SUSD1: variants seen among roughly 807,000 people sequenced by gnomAD.
SUSD1 encodes the protein sushi domain containing 1, also known as sushi domain-containing protein 1.
Under a neutral mutation model 86.9 loss-of-function variants are expected in SUSD1, and 65 were observed. That is an observed-to-expected ratio of 0.75 (90% CI 0.61 to 0.92). SUSD1 has a LOEUF of 0.92. SUSD1 is among the 40% of genes least tolerant of loss of function. SUSD1 has a pLI of 0.00. For missense variants in SUSD1, 850 were observed against 929.7 expected (o/e 0.91, Z 1.11); for synonymous variants, 346 against 350.0 (o/e 0.99, Z 0.13).
intron 1 of SUSD1, among the ~76,000 whole-genome samples, chr9:112,164,423 T>C (rs1335544658): frequency 6.6e-6 from 1 of 150,972 alleles, no homozygotes; most frequent in Non-Finnish European, 1.5e-5. Context: ...AATTTTAAAG[T>C]GCATTCAAAT....
At position 112,098,534 on chromosome 9, in the gene SUSD1, A is replaced by G. The variant is rs1374207981; in HGVS notation, c.1410T>C (p.Asn470=). The G allele has an allele frequency of 6.2e-7, 1 of 1,614,198 alleles. No homozygotes were observed. The highest frequency in any genetic ancestry group is 2.2e-5 in the East Asian group (1 of 44,886). ...DLYPTTDYTV[N]VTLLRSPKRH... is the part of the protein sequence containing the mutation. The stretch of plus-strand genomic sequence containing the variant: ...GCTTAGGAGATCTCAGCAGGGTCAC[A>G]TTCACCGTATAATCAGTCGTAGGGT... The change falls in exon 10 of 17, where the codon AAT becomes AAC. Residue 470 remains asparagine, a synonymous_variant. Coordinates refer to ENST00000374270, the MANE Select transcript of SUSD1 (RefSeq NM_022486.5).
Position 112,102,210 on chromosome 9 carries a change from C to T in SUSD1, c.1247G>A (p.Arg416His), listed in dbSNP as rs79043938. 142 of 1,602,302 alleles carry T rather than the reference C, an allele frequency of 8.9e-5. No individual in the cohort carries two copies. In the East Asian group the frequency reaches 2.2e-3, roughly 25 times the overall value. Residue 416 changes from arginine to histidine, a missense_variant, in exon 9 of 17, where the codon CGT (arginine) becomes CAT (histidine). Transcript: ENST00000374270. Reference protein sequence around the residue: ...FNETCLKLNRRSRKVGSEHMY... With the variant: ...FNETCLKLNRHSRKVGSEHMY... ...GTGTTCTGATCCAACTTTCCTAGAA[C>T]GCCTGTTCAATTTCAAACAAGTTTC...
At chr9:112,107,914 CTT>C (rs1830920856) in intron 8 of SUSD1, among the ~76,000 whole-genome samples, 1 of 152,152 alleles carries the variant, frequency 6.6e-6, no homozygotes, top group Non-Finnish European at 1.5e-5. Context: ...ATAAAGTTGA[CTT>C]AATAACAGAT....
intron 13 of SUSD1, among the ~76,000 whole-genome samples, chr9:112,061,620 G>A (rs1828729618): frequency 6.6e-6 from 1 of 152,142 alleles, no homozygotes; most frequent in Non-Finnish European, 1.5e-5. Flanking sequence ...TCTTTATAAT[G>A]ACAGAATTAC....
intron 2 of SUSD1, 71 bp from the exon 3 acceptor site, chr9:112,149,470 C>T: frequency 6.4e-7 from 1 of 1,557,824 alleles, no homozygotes; most frequent in Non-Finnish European, 8.7e-7. Context: ...AGACTGTCCT[C>T]CCATGCTATG....
Position 112,042,111 on chromosome 9 carries a change from CCT to C in SUSD1, c.2150-153_2150-152del, listed in dbSNP as rs752968285. 7.8e-5 allele frequency: 121 copies of C among 1,541,688 alleles called. 1 individual carries two copies. Among genetic ancestry groups the C allele is most frequent in the Non-Finnish European group, 1.7e-5 (20 of 1,147,160 alleles). On this transcript the variant is annotated intron_variant, in intron 15 of 16. Transcript: ENST00000374270. ...GAATGCCCAACATGCCTGTGTGTCC[CCT>C]GAGTTGGCCCTGTGGATATGCAGCC...
At chr9:112,172,924 G>C (rs1022096402) in intron 1 of SUSD1, among the ~76,000 whole-genome samples, 1 of 152,164 alleles carries the variant, frequency 6.6e-6, no homozygotes, top group African/African-American at 2.4e-5. Context: ...GAACATGAAG[G>C]GAGAATGTCT....
intron 1 of SUSD1, among the ~76,000 whole-genome samples, chr9:112,171,763 A>T (rs1564362901): frequency 6.6e-6 from 1 of 151,260 alleles, no homozygotes. Flanking sequence ...TTGCTTTTTC[A>T]TTTTTCCCCT....
chr9:112,098,365 CCT>C (rs1830485426), intron 10 of SUSD1, 103 bp downstream of exon 10: 3 of 1,162,150 alleles, frequency 2.6e-6, no homozygotes, highest in Non-Finnish European at 3.7e-6. Flanking sequence ...AACTGGAACC[CCT>C]GTCTCTTGAC....
At chr9:112,133,466 G>A (rs1212522877) in intron 5 of SUSD1, among the ~76,000 whole-genome samples, 4 of 152,184 alleles carry the variant, frequency 2.6e-5, no homozygotes, top group Non-Finnish European at 5.9e-5. Context: ...AAGCAAAGGG[G>A]AAAGGACTCC....
chr9:112,130,637 A>G (rs1417193219), intron 5 of SUSD1, among the ~76,000 whole-genome samples: 1 of 151,986 alleles, frequency 6.6e-6, no homozygotes, highest in Non-Finnish European at 1.5e-5. Context: ...AAGGAAAAGG[A>G]AGAAAGAGAG....
intron 3 of SUSD1, among the ~76,000 whole-genome samples, chr9:112,145,477 T>G (rs922017348): frequency 6.6e-6 from 1 of 152,030 alleles, no homozygotes; most frequent in African/African-American, 2.4e-5. Context: ...AGACAGGGTT[T>G]CACCATGTTG....
In SUSD1 at chr9:112,149,238, G is replaced by C. The variant is rs776227564; in HGVS notation, c.373+6C>G. The stretch of plus-strand genomic sequence containing the variant: ...TTGTCAACACCGCAGCCCCCTTCTT[G>C]AGTACCTGTACAAAAGGTGCCATCG... On this transcript the variant is annotated splice_donor_region_variant and intron_variant, in intron 3 of 16. Coordinates refer to ENST00000374270, the MANE Select transcript of SUSD1 (RefSeq NM_022486.5). The C allele has an allele frequency of 6.2e-7, 1 of 1,613,898 alleles. No individual in the cohort carries two copies.
At chr9:112,111,334 G>A (rs1369400237) in intron 8 of SUSD1, among the ~76,000 whole-genome samples, 1 of 152,112 alleles carries the variant, frequency 6.6e-6, no homozygotes, top group African/African-American at 2.4e-5. Context: ...TAAGCCACAT[G>A]GCTACCCTCT....
At chr9:112,057,569 G>A (rs528534368) in intron 14 of SUSD1, among the ~76,000 whole-genome samples, 8 of 152,302 alleles carry the variant, frequency 5.3e-5, no homozygotes, top group South Asian at 2.1e-4. Context: ...GTCACAAAGC[G>A]CTGCTAGACA....
At chr9:112,111,552 C>G in intron 8 of SUSD1, 102 bp downstream of exon 8, 5 of 1,439,060 alleles carry the variant, frequency 3.5e-6, no homozygotes, top group East Asian at 2.3e-5. Context: ...AAATCTCAGA[C>G]AGCAAATAGG....
chr9:112,069,068 T>A (rs1267999743), intron 12 of SUSD1, among the ~76,000 whole-genome samples: 2 of 151,788 alleles, frequency 1.3e-5, no homozygotes, highest in East Asian at 3.9e-4. Flanking sequence ...ATGGTGGAGA[T>A]ACAGAGGCAG....
intron 5 of SUSD1, among the ~76,000 whole-genome samples, chr9:112,136,113 C>T (rs1375203990): frequency 1.3e-5 from 2 of 152,172 alleles, no homozygotes. Flanking sequence ...AAAAGTGTAA[C>T]CCAACAGAGC....
chr9:112,150,721 G>A lies in SUSD1; in HGVS notation c.218-1322C>T, dbSNP rs759659888. 8.5e-5 allele frequency among the ~76,000 whole-genome samples: 13 copies of A among 152,148 alleles called. 1 individual carries two copies. The South Asian group carries it at 1.2e-3, about 15-fold the overall frequency. Reference sequence around the variant, plus strand: ...ATAGCATGTTACTGTACTGAATACCGTAGGCAACTGTAACACAGTGGGAAG... The same window carrying A: ...ATAGCATGTTACTGTACTGAATACCATAGGCAACTGTAACACAGTGGGAAG... On this transcript the variant is annotated intron_variant, in intron 2 of 16. Coordinates refer to ENST00000374270, the MANE Select transcript of SUSD1 (RefSeq NM_022486.5).
Sources: allele counts gnomAD v4.1 joint callset (sites outside exome capture counted in the v4.1 genomes callset), GRCh38; gene constraint gnomAD v4.1.1; transcripts MANE v1.5; gene names NCBI Gene and HGNC (gene_info 2026-07-23, HGNC 2026-07-21).